The following PLCG2 variants were observed in gnomAD, a reference collection of about 807,000 sequenced individuals.
PLCG2 encodes the protein phospholipase C gamma 2, also known as 1-phosphatidylinositol 4,5-bisphosphate phosphodiesterase gamma-2.
PLCG2 carries 69 observed loss-of-function variants against 175.6 expected under a neutral mutation model. The ratio of observed to expected loss-of-function variants is 0.39; its 90% CI spans 0.32 to 0.48. The LOEUF (loss-of-function observed/expected upper bound fraction) is 0.48, where lower values mean the gene tolerates loss of function less well. PLCG2 is among the 20% of genes least tolerant of loss of function. PLCG2 has a pLI of 0.91. For missense variants in PLCG2, 1,798 were observed against 1,650.9 expected (o/e 1.09, Z -1.54); for synonymous variants, 827 against 624.0 (o/e 1.33, Z -4.85).
chr16:81,772,006 C>G, intron 2 of PLCG2, among the ~76,000 whole-genome samples: 1 of 152,142 alleles, frequency 6.6e-6, no homozygotes. Flanking sequence ...TGGTCTTAAA[C>G]TCCTGGCCTT....
intron 7 of PLCG2, among the ~76,000 whole-genome samples, chr16:81,877,434 G>A (rs1053624933): frequency 2.0e-5 from 3 of 152,178 alleles, no homozygotes; most frequent in African/African-American, 7.2e-5. Context: ...CAGCCTGGGC[G>A]ACACAGCGAG....
chr16:81,886,835 T>G (rs2143588059), intron 9 of PLCG2, among the ~76,000 whole-genome samples: 1 of 152,352 alleles, frequency 6.6e-6, no homozygotes, highest in East Asian at 1.9e-4. Context: ...TGCTCAGTGT[T>G]GATGGCCATC....
intron 2 of PLCG2, among the ~76,000 whole-genome samples, chr16:81,804,610 A>C (rs909608225): frequency 1.3e-5 from 2 of 152,334 alleles, no homozygotes; most frequent in South Asian, 2.1e-4. Context: ...TAGTTCCCTC[A>C]GTAGATGTTT....
chr16:81,909,904 G>T (rs1009295089), intron 17 of PLCG2, among the ~76,000 whole-genome samples: 2 of 151,796 alleles, frequency 1.3e-5, no homozygotes, highest in Non-Finnish European at 2.9e-5. Flanking sequence ...CAGACAGCAC[G>T]GGTGACCTGC....
intron 32 of PLCG2, 101 bp from the exon 33 acceptor site, chr16:81,957,855 T>C: frequency 9.5e-7 from 1 of 1,051,116 alleles, no homozygotes; most frequent in Non-Finnish European, 1.5e-6. Context: ...CATCCAGCTA[T>C]GAATGACTGG....
intron 1 of PLCG2, among the ~76,000 whole-genome samples, chr16:81,780,492 C>G (rs1042010519): frequency 6.6e-6 from 1 of 152,184 alleles, no homozygotes. Flanking sequence ...GAAGTCTATG[C>G]CAGCCTCAAG....
chr16:81,833,491 T>G (rs1424534648), intron 2 of PLCG2, among the ~76,000 whole-genome samples: 2 of 148,664 alleles, frequency 1.3e-5, no homozygotes, highest in Non-Finnish European at 3.0e-5. Flanking sequence ...AAAAGGATAC[T>G]CCTGCCTGTT....
intron 3 of PLCG2, among the ~76,000 whole-genome samples, chr16:81,854,923 G>A (rs1906605269): frequency 1.3e-5 from 2 of 152,088 alleles, no homozygotes; most frequent in Non-Finnish European, 2.9e-5. Context: ...GGCTCTGTTG[G>A]ATGAAAAATG....
chr16:81,773,780 A>G (rs373322188), intron 2 of PLCG2, among the ~76,000 whole-genome samples: 2 of 152,246 alleles, frequency 1.3e-5, no homozygotes, highest in East Asian at 3.9e-4. Flanking sequence ...ACCAAAGAAG[A>G]AAGTGAAGCT....
At chr16:81,811,450 G>C (rs375351011) in intron 2 of PLCG2, among the ~76,000 whole-genome samples, 2 of 152,108 alleles carry the variant, frequency 1.3e-5, no homozygotes, top group East Asian at 1.9e-4. Context: ...CTGGGAACTG[G>C]TTTCAGGATG....
In PLCG2 at chr16:81,962,198, G is replaced by T. The variant is rs201622146; in HGVS notation, c.*4200G>T. ...ATCTAGGGCCACTAAGTGATGAATTGTATTTGGAAGCAAAAAGGATGGCTA... is the reference window on the plus strand; with the variant it reads ...ATCTAGGGCCACTAAGTGATGAATTTTATTTGGAAGCAAAAAGGATGGCTA... On this transcript the variant is annotated 3_prime_UTR_variant, in exon 33 of 33. Transcript: ENST00000564138. 1 of 19,230 alleles carries T rather than the reference G, an allele frequency of 5.2e-5. No homozygotes were observed. Among genetic ancestry groups the T allele is most frequent in the Non-Finnish European group, 2.8e-4 (1 of 3,564 alleles). 1.2% of individuals were successfully genotyped at this position (19,230 alleles called of 1,614,324 possible). A position where few individuals can be genotyped will look rare whatever the true frequency, so the allele number is the denominator to read the frequency against.
intron 4 of PLCG2, 76 bp downstream of exon 4, chr16:81,858,432 AGG>A (rs398119556): frequency 1.7e-4 from 169 of 971,394 alleles, no homozygotes; most frequent in South Asian, 3.6e-4. Context: ...CATGGGCTAC[AGG>A]GGGGAAAAAA....
At chr16:81,884,808 A>G (rs190330757) in intron 9 of PLCG2, among the ~76,000 whole-genome samples, 11 of 152,266 alleles carry the variant, frequency 7.2e-5, no homozygotes, top group Non-Finnish European at 1.3e-4. Context: ...GAACATTTCA[A>G]ACATACACAA....
At chr16:81,746,711 A>G (rs922133998) in intron 1 of PLCG2, among the ~76,000 whole-genome samples, 4 of 152,202 alleles carry the variant, frequency 2.6e-5, no homozygotes, top group African/African-American at 9.6e-5. Context: ...TTAACCTCCC[A>G]AGCATCTGTA....
intron 18 of PLCG2, among the ~76,000 whole-genome samples, chr16:81,912,088 C>T (rs554593546): frequency 2.9e-3 from 434 of 150,484 alleles, no homozygotes; most frequent in Admixed American, 5.7e-3. Flanking sequence ...TGAGCCACCA[C>T]GCCTGGCCCA....
At chr16:81,772,562 C>T (rs1470070861) in intron 2 of PLCG2, among the ~76,000 whole-genome samples, 1 of 151,804 alleles carries the variant, frequency 6.6e-6, no homozygotes, top group African/African-American at 2.4e-5. Flanking sequence ...ATAATCCCAG[C>T]ACTTTGGGAG....
intron 2 of PLCG2, among the ~76,000 whole-genome samples, chr16:81,757,978 T>C (rs1225919631): frequency 2.0e-5 from 3 of 152,148 alleles, no homozygotes; most frequent in Non-Finnish European, 4.4e-5. Flanking sequence ...TGCTGTTTTG[T>C]TTTGTTTTGT....
At position 81,895,560 on chromosome 16, in the gene PLCG2, A is replaced by T. The variant is rs1461153563; in HGVS notation, c.1073-247A>T. On this transcript the variant is annotated intron_variant, in intron 12 of 32. Transcript: ENST00000564138. ...GGGCAACAGAGCGAGACTCTGTCTT[A>T]AAAAAAAAAAAAATGAAAAAAAAAG... 1.0e-4 allele frequency: 14 copies of T among 135,984 alleles called. No individual in the cohort carries two copies. The South Asian group carries it at 1.4e-3, about 14-fold the overall frequency. The allele number at this position is 135,984 out of a possible 1,614,324, so 8.4% of individuals were successfully genotyped here.
chr16:81,868,025 C>G (rs1345381692), intron 5 of PLCG2, among the ~76,000 whole-genome samples: 1 of 152,210 alleles, frequency 6.6e-6, no homozygotes, highest in Non-Finnish European at 1.5e-5. Flanking sequence ...TCAGCTGAAC[C>G]TCACTATGTG....
Sources: allele counts gnomAD v4.1 joint callset (sites outside exome capture counted in the v4.1 genomes callset), GRCh38; gene constraint gnomAD v4.1.1; transcripts MANE v1.5; gene names NCBI Gene and HGNC (gene_info 2026-07-23, HGNC 2026-07-21).